RNLS: variants seen among roughly 807,000 people sequenced by gnomAD.
RNLS encodes the protein renalase, FAD dependent amine oxidase.
In RNLS, 39 loss-of-function variants were observed where a neutral mutation model predicts 39.8. The ratio of observed to expected loss-of-function variants is 0.98; its 90% CI spans 0.76 to 1.28. RNLS has a LOEUF of 1.28. Among genes scored for constraint, RNLS ranks in the 50% most tolerant of loss-of-function variants. The probability of loss-of-function intolerance (pLI) is 0.00; values close to 1 mark genes in which losing one functional copy is unlikely to be tolerated. For missense variants in RNLS, 410 were observed against 413.3 expected (o/e 0.99, Z 0.07); for synonymous variants, 147 against 150.7 (o/e 0.98, Z 0.18).
the RNLS span, among the ~76,000 whole-genome samples, chr10:88,195,031 C>T: frequency 6.6e-6 from 1 of 152,178 alleles, no homozygotes; most frequent in Admixed American, 6.5e-5. Flanking sequence ...GTGAGTCTGT[C>T]AAGCCCTAAG....
In RNLS at chr10:88,452,026, A is replaced by C. The variant is rs184109239; in HGVS notation, c.527-89301T>G. On this transcript the variant is annotated intron_variant, in intron 4 of 6. Transcript: ENST00000331772. ...TTTTCATATGGAGAACAGGAATAACACATATTTTACAATATCCTCGTAAGG... is the reference window on the plus strand; with the variant it reads ...TTTTCATATGGAGAACAGGAATAACCCATATTTTACAATATCCTCGTAAGG... Among the ~76,000 whole-genome samples the C allele has an allele frequency of 6.4e-4, 97 of 152,342 alleles. No homozygotes were observed. In the South Asian group the frequency reaches 6.8e-3, roughly 11 times the overall value.
At chr10:88,373,622 T>C (rs1289116727) in intron 4 of RNLS, among the ~76,000 whole-genome samples, 1 of 152,170 alleles carries the variant, frequency 6.6e-6, no homozygotes, top group Admixed American at 6.6e-5. Context: ...TTTATCTTCA[T>C]ATCAGCCTAC....
chr10:88,399,182 T>C (rs1852754882), intron 4 of RNLS, among the ~76,000 whole-genome samples: 1 of 151,978 alleles, frequency 6.6e-6, no homozygotes, highest in Admixed American at 6.6e-5. Flanking sequence ...ACATTGCCAC[T>C]GGGAATATAA....
chr10:88,567,303 T>C (rs564730312), intron 4 of RNLS, among the ~76,000 whole-genome samples: 19 of 152,290 alleles, frequency 1.2e-4, no homozygotes, highest in African/African-American at 4.6e-4. Context: ...AAATTATTAA[T>C]TAGCAAGCCC....
chr10:88,553,106 C>T (rs1848676614), intron 4 of RNLS, among the ~76,000 whole-genome samples: 1 of 152,152 alleles, frequency 6.6e-6, no homozygotes, highest in South Asian at 2.1e-4. Context: ...TACATACAGA[C>T]ACATCCAGTG....
At chr10:88,251,687 C>T in the RNLS span, among the ~76,000 whole-genome samples, 207 of 152,344 alleles carry the variant, frequency 1.4e-3, no homozygotes, top group African/African-American at 4.6e-3. Context: ...CATACACACA[C>T]GTATCTGTGG....
At chr10:88,287,637 C>G (rs767186474) in intron 6 of RNLS, among the ~76,000 whole-genome samples, 3 of 152,102 alleles carry the variant, frequency 2.0e-5, no homozygotes, top group Non-Finnish European at 2.9e-5. Context: ...GTTTAATTGA[C>G]TCACAGTTCC....
chr10:88,462,964 T>A (rs946552707), intron 4 of RNLS, among the ~76,000 whole-genome samples: 4 of 152,174 alleles, frequency 2.6e-5, no homozygotes, highest in African/African-American at 7.2e-5. Flanking sequence ...ACATGATGGA[T>A]TTAATGATAG....
the RNLS span, among the ~76,000 whole-genome samples, chr10:88,198,152 T>C: frequency 2.6e-5 from 4 of 152,172 alleles, no homozygotes; most frequent in African/African-American, 9.7e-5. Flanking sequence ...TTTTCATCAC[T>C]CTGCTCTCCT....
At position 88,293,248 on chromosome 10, in the gene RNLS, A is replaced by G. The variant is rs556070059; in HGVS notation, c.877-7742T>C. Reference sequence around the variant, plus strand: ...ATTGCGTATGTGAGGTATTGACCATACTGGCAATAATAAATAGCTCTGAAG... The same window carrying G: ...ATTGCGTATGTGAGGTATTGACCATGCTGGCAATAATAAATAGCTCTGAAG... On this transcript the variant is annotated intron_variant, in intron 6 of 6. Coordinates refer to ENST00000331772, the MANE Select transcript of RNLS (RefSeq NM_001031709.3). Among the ~76,000 whole-genome samples the G allele has an allele frequency of 2.0e-5, 3 of 152,300 alleles. No homozygotes were observed. In the South Asian group the frequency reaches 6.2e-4, roughly 32 times the overall value.
intron 4 of RNLS, among the ~76,000 whole-genome samples, chr10:88,501,685 T>A (rs1294925371): frequency 6.6e-6 from 1 of 152,154 alleles, no homozygotes; most frequent in African/African-American, 2.4e-5. Flanking sequence ...ATTCAAAGCG[T>A]GTGGATTCCT....
the RNLS span, among the ~76,000 whole-genome samples, chr10:88,205,183 A>G: frequency 1.1e-4 from 17 of 152,260 alleles, no homozygotes; most frequent in African/African-American, 4.1e-4. Flanking sequence ...CCTATCTCCA[A>G]AACGCAAGGG....
chr10:88,209,153 G>A, the RNLS span, among the ~76,000 whole-genome samples: 117,787 of 152,070 alleles, frequency 0.77, 45,784 homozygotes, highest in Middle Eastern at 0.82. Context: ...ATCTTCAAGA[G>A]TGAAAAAAAT....
intron 4 of RNLS, among the ~76,000 whole-genome samples, chr10:88,411,332 T>C (rs1054362996): frequency 3.9e-5 from 6 of 152,124 alleles, no homozygotes; most frequent in African/African-American, 1.2e-4. Flanking sequence ...ATATATTTAT[T>C]TGCTTTTGAA....
chr10:88,254,235 G>A, the RNLS span, among the ~76,000 whole-genome samples: 3 of 152,174 alleles, frequency 2.0e-5, no homozygotes, highest in African/African-American at 7.2e-5. Context: ...AATGAAGCGA[G>A]CCCCCAGGGC....
chr10:88,369,534 C>T (rs1212037010), intron 4 of RNLS, among the ~76,000 whole-genome samples: 1 of 152,166 alleles, frequency 6.6e-6, no homozygotes, highest in Non-Finnish European at 1.5e-5. Context: ...TTCCAACTCT[C>T]ATGGGGCATT....
the RNLS span, among the ~76,000 whole-genome samples, chr10:88,255,756 T>A: frequency 6.6e-6 from 1 of 152,218 alleles, no homozygotes; most frequent in East Asian, 1.9e-4. Context: ...CAAACCTTCA[T>A]GTGTACTAAG....
chr10:88,524,958 T>A (rs2986119), intron 4 of RNLS, among the ~76,000 whole-genome samples: 1 of 75,500 alleles, frequency 1.3e-5, no homozygotes, highest in East Asian at 4.4e-4. Context: ...GGCACACACA[T>A]ACATATATAT....
downstream of RNLS, among the ~76,000 whole-genome samples, chr10:88,273,242 A>G (rs1842699917): frequency 6.6e-6 from 1 of 152,198 alleles, no homozygotes; most frequent in Non-Finnish European, 1.5e-5. Flanking sequence ...ACCTCAACAC[A>G]AGGCCAATTG....
Sources: gnomAD v4.1 joint callset for allele counts (sites outside exome capture counted in the v4.1 genomes callset) on GRCh38, gnomAD v4.1.1 for gene constraint, MANE v1.5 for transcripts, NCBI Gene and HGNC (gene_info 2026-07-23, HGNC 2026-07-21) for gene names.